The following CEP112 variants were observed in gnomAD, a reference collection of about 807,000 sequenced individuals.
CEP112 encodes centrosomal protein of 112 kDa.
CEP112 carries 127 observed loss-of-function variants against 153.0 expected under a neutral mutation model. That is an observed-to-expected ratio of 0.83 (90% CI 0.72 to 0.96). The LOEUF (loss-of-function observed/expected upper bound fraction) is 0.96, where lower values mean the gene tolerates loss of function less well. Among genes scored for constraint, CEP112 ranks in the 40% least tolerant of loss-of-function variants. The pLI is 0.00. For synonymous variants in CEP112, 358 were observed against 374.4 expected (o/e 0.96, Z 0.51); for missense variants, 1,089 against 1,101.2 (o/e 0.99, Z 0.16).
At chr17:65,899,461 T>C (rs1272026339) in intron 20 of CEP112, among the ~76,000 whole-genome samples, 1 of 152,190 alleles carries the variant, frequency 6.6e-6, no homozygotes, top group East Asian at 1.9e-4. Flanking sequence ...TTGGTGCATT[T>C]CTATGTCTTA....
intron 21 of CEP112, among the ~76,000 whole-genome samples, chr17:65,814,648 C>G (rs1317469773): frequency 6.6e-6 from 1 of 152,132 alleles, no homozygotes; most frequent in Non-Finnish European, 1.5e-5. Context: ...AAAGATAGCA[C>G]AGGATGTGTC....
At chr17:65,733,000 A>G (rs983713604) in intron 23 of CEP112, among the ~76,000 whole-genome samples, 1 of 152,228 alleles carries the variant, frequency 6.6e-6, no homozygotes, top group African/African-American at 2.4e-5. Context: ...GCTATTTCGT[A>G]CAAGAGGCCT....
intron 17 of CEP112, among the ~76,000 whole-genome samples, chr17:65,989,020 C>T (rs531424884): frequency 1.2e-3 from 177 of 151,784 alleles, no homozygotes; most frequent in African/African-American, 3.9e-3. Flanking sequence ...GTCAGGAGAT[C>T]GAGACCACCC....
intron 14 of CEP112, among the ~76,000 whole-genome samples, chr17:66,028,673 T>A (rs1020568684): frequency 4.0e-5 from 6 of 151,820 alleles, no homozygotes; most frequent in African/African-American, 1.4e-4. Context: ...AAAATAGAAA[T>A]TAAATGCTAC....
intron 20 of CEP112, among the ~76,000 whole-genome samples, chr17:65,860,327 G>T (rs2058273291): frequency 6.6e-6 from 1 of 152,098 alleles, no homozygotes; most frequent in Non-Finnish European, 1.5e-5. Context: ...ATATATCAGG[G>T]TGATGAAAGT....
At chr17:65,933,643 C>T (rs1057486623) in intron 18 of CEP112, among the ~76,000 whole-genome samples, 2 of 152,076 alleles carry the variant, frequency 1.3e-5, no homozygotes, top group African/African-American at 2.4e-5. Context: ...CATCTTCCCC[C>T]GAAAATGAGG....
At chr17:65,901,577 G>C (rs2059851374) in intron 20 of CEP112, among the ~76,000 whole-genome samples, 1 of 152,112 alleles carries the variant, frequency 6.6e-6, no homozygotes, top group African/African-American at 2.4e-5. Flanking sequence ...GCTTCCAACA[G>C]GGACTACAGA....
intron 24 of CEP112, among the ~76,000 whole-genome samples, chr17:65,646,825 T>TG (rs1247625883): frequency 6.6e-6 from 1 of 152,174 alleles, no homozygotes. Context: ...GGCCAGGGGA[T>TG]GGGGCGTTGA....
At chr17:65,825,744 G>C (rs1274335838) in intron 21 of CEP112, among the ~76,000 whole-genome samples, 11 of 152,140 alleles carry the variant, frequency 7.2e-5, no homozygotes, top group Admixed American at 5.9e-4. Context: ...GAAAGGTACA[G>C]AGGGGAAATG....
intron 5 of CEP112, 95 bp from the exon 6 acceptor site, chr17:66,129,918 G>A: frequency 8.9e-6 from 6 of 671,114 alleles, no homozygotes; most frequent in South Asian, 5.1e-5. Context: ...AAAGATAGAA[G>A]AGATAAAGGG....
At chr17:65,685,667 A>ATTTTTTT (rs556118592) in intron 24 of CEP112, among the ~76,000 whole-genome samples, 48 of 105,282 alleles carry the variant, frequency 4.6e-4, no homozygotes, top group African/African-American at 7.6e-4. Context: ...AATAGTTCTA[A>ATTTTTTT]TTTTTTTTTT....
In CEP112 at chr17:65,998,410, ATGTT is replaced by A. The variant is rs1568358079; in HGVS notation, c.1736+7276_1736+7279del. 1.9e-3 allele frequency among the ~76,000 whole-genome samples: 281 copies of A among 147,980 alleles called. 1 individual carries two copies. Among genetic ancestry groups the A allele is most frequent in the African/African-American group, 6.8e-3 (272 of 40,018 alleles). On this transcript the variant is annotated intron_variant, in intron 17 of 26. Coordinates refer to ENST00000535342, the MANE Select transcript of CEP112 (RefSeq NM_001199165.4). Reference sequence around the variant, plus strand: ...AAAAAAAAAAAAAAAAAAAAAGGAAATGTTCTAAAATTGAACTGTGGTGATGGTT... The same window carrying A: ...AAAAAAAAAAAAAAAAAAAAAGGAAACTAAAATTGAACTGTGGTGATGGTT...
chr17:65,646,510 T>C (rs180670838), intron 24 of CEP112, among the ~76,000 whole-genome samples: 5 of 152,342 alleles, frequency 3.3e-5, no homozygotes, highest in Admixed American at 3.3e-4. Context: ...AATAAAATTA[T>C]CACGAGCAAA....
intron 20 of CEP112, among the ~76,000 whole-genome samples, chr17:65,900,416 T>C (rs1371665152): frequency 6.6e-6 from 1 of 152,160 alleles, no homozygotes; most frequent in East Asian, 1.9e-4. Flanking sequence ...ATAGCCTCAT[T>C]GTACTATCCC....
intron 4 of CEP112, among the ~76,000 whole-genome samples, chr17:66,160,328 A>T (rs535539324): frequency 6.6e-6 from 1 of 152,336 alleles, no homozygotes; most frequent in Non-Finnish European, 1.5e-5. Flanking sequence ...TCTTCACAGA[A>T]TTAGAAAAAA....
At chr17:66,071,753 C>A (rs921831252) in intron 8 of CEP112, among the ~76,000 whole-genome samples, 6 of 152,014 alleles carry the variant, frequency 3.9e-5, no homozygotes, top group African/African-American at 1.4e-4. Flanking sequence ...GTGCAGCAAC[C>A]AAGAGAAAGC....
intron 23 of CEP112, among the ~76,000 whole-genome samples, chr17:65,730,253 TA>T (rs990811447): frequency 1.3e-5 from 2 of 152,040 alleles, no homozygotes; most frequent in South Asian, 2.1e-4. Context: ...AGCTTTGGGG[TA>T]AAAAAAACTT....
intron 21 of CEP112, among the ~76,000 whole-genome samples, chr17:65,760,744 G>C (rs1567973965): frequency 6.6e-6 from 1 of 151,874 alleles, no homozygotes; most frequent in Non-Finnish European, 1.5e-5. Flanking sequence ...TTGGTATCAG[G>C]GTAATGCTGA....
At chr17:65,824,265 G>A (rs1471318065) in intron 21 of CEP112, among the ~76,000 whole-genome samples, 1 of 152,190 alleles carries the variant, frequency 6.6e-6, no homozygotes, top group Non-Finnish European at 1.5e-5. Flanking sequence ...AACAACATGA[G>A]TGAATCTCTA....
Sources: allele counts gnomAD v4.1 joint callset (sites outside exome capture counted in the v4.1 genomes callset), GRCh38; gene constraint gnomAD v4.1.1; transcripts MANE v1.5; gene names NCBI Gene and HGNC (gene_info 2026-07-23, HGNC 2026-07-21).